Variants in SNX31 observed in about 807,000 individuals in gnomAD.
The protein encoded by SNX31 is sorting nexin-31.
Under a neutral mutation model 65.4 loss-of-function variants are expected in SNX31, and 58 were observed. The ratio of observed to expected loss-of-function variants is 0.89; its 90% CI spans 0.72 to 1.10. The LOEUF (loss-of-function observed/expected upper bound fraction) is 1.10, where lower values mean the gene tolerates loss of function less well. Among genes scored for constraint, SNX31 ranks in the 50% least tolerant of loss-of-function variants. The probability of loss-of-function intolerance (pLI) is 0.00; values close to 1 mark genes in which losing one functional copy is unlikely to be tolerated. For synonymous variants in SNX31, 181 were observed against 190.1 expected (o/e 0.95, Z 0.39); for missense variants, 523 against 529.7 (o/e 0.99, Z 0.12).
At chr8:100,615,271 GA>G (rs1233114582) in intron 5 of SNX31, among the ~76,000 whole-genome samples, 1 of 152,142 alleles carries the variant, frequency 6.6e-6, no homozygotes, top group East Asian at 1.9e-4. Flanking sequence ...AGTTTCAAGG[GA>G]AATGGACAAA....
chr8:100,655,207 A>G (rs1490714600), intron 1 of SNX31, among the ~76,000 whole-genome samples: 2 of 152,182 alleles, frequency 1.3e-5, no homozygotes, highest in African/African-American at 4.8e-5. Flanking sequence ...AGGGAGGAGC[A>G]GGGAGGGAAA....
At chr8:100,601,600 C>G (rs1488434067) in intron 8 of SNX31, among the ~76,000 whole-genome samples, 2 of 152,092 alleles carry the variant, frequency 1.3e-5, no homozygotes, top group African/African-American at 4.8e-5. Context: ...CATTTGCAAA[C>G]TTTTTATAAG....
intron 1 of SNX31, among the ~76,000 whole-genome samples, chr8:100,657,178 C>T (rs1267906281): frequency 6.6e-6 from 1 of 151,638 alleles, no homozygotes; most frequent in Non-Finnish European, 1.5e-5. Context: ...GGAGGCTGGG[C>T]ATGGTGGCTC....
intron 2 of SNX31, among the ~76,000 whole-genome samples, chr8:100,641,028 CTG>C (rs948558437): frequency 2.0e-5 from 3 of 152,072 alleles, no homozygotes; most frequent in African/African-American, 2.4e-5. Flanking sequence ...ATAGAGGAAA[CTG>C]TGGATTATAT....
chr8:100,636,062 T>C lies in SNX31; in HGVS notation c.142-51A>G, dbSNP rs748076233. ...AGGCAGGTGAGCCGCCAGTTCAGGG[T>C]TGATGAGATTACTAAAGTCTCCTTT... On this transcript the variant is annotated intron_variant, in intron 2 of 13. Transcript: ENST00000311812. 13 of 1,369,048 alleles carry C rather than the reference T, an allele frequency of 9.5e-6. No homozygotes were observed. The African/African-American group carries it at 1.7e-4, about 18-fold the overall frequency. 84.8% of individuals were successfully genotyped at this position (1,369,048 alleles called of 1,614,324 possible). A position where few individuals can be genotyped will look rare whatever the true frequency, so the allele number is the denominator to read the frequency against.
At position 100,649,568 on chromosome 8, in the gene SNX31, G is replaced by A. The variant is rs1461158496; in HGVS notation, c.-54C>T. On this transcript the variant is annotated 5_prime_UTR_variant, in exon 1 of 14. Coordinates refer to ENST00000311812, the MANE Select transcript of SNX31 (RefSeq NM_152628.4). ...GGGAACCCGACCTGCGGCGGCGGGCGGTGCGCGGCTCTGAACTCGGCAGCG... is the reference window on the plus strand; with the variant it reads ...GGGAACCCGACCTGCGGCGGCGGGCAGTGCGCGGCTCTGAACTCGGCAGCG... 2 of 1,516,182 alleles carry A rather than the reference G, an allele frequency of 1.3e-6. No homozygotes were observed. The highest frequency in any genetic ancestry group is 1.8e-6 in the Non-Finnish European group (2 of 1,118,772). 93.9% of individuals were successfully genotyped at this position (1,516,182 alleles called of 1,614,324 possible). A position where few individuals can be genotyped will look rare whatever the true frequency, so the allele number is the denominator to read the frequency against.
At chr8:100,642,725 C>T (rs997271590) in intron 2 of SNX31, among the ~76,000 whole-genome samples, 3 of 152,198 alleles carry the variant, frequency 2.0e-5, no homozygotes, top group Non-Finnish European at 4.4e-5. Flanking sequence ...AAACCACCAG[C>T]GTACTGAGAA....
At chr8:100,637,714 G>C (rs1381386303) in intron 2 of SNX31, among the ~76,000 whole-genome samples, 1 of 151,782 alleles carries the variant, frequency 6.6e-6, no homozygotes, top group East Asian at 1.9e-4. Flanking sequence ...TTATCTTTTT[G>C]AGACAGAGTC....
At chr8:100,592,637 A>G (rs537700357) in intron 10 of SNX31, among the ~76,000 whole-genome samples, 1 of 152,314 alleles carries the variant, frequency 6.6e-6, no homozygotes, top group South Asian at 2.1e-4. Flanking sequence ...TATACTCAAG[A>G]GACATAAAAA....
intron 8 of SNX31, among the ~76,000 whole-genome samples, chr8:100,603,970 T>C (rs903905889): frequency 1.3e-5 from 2 of 152,184 alleles, no homozygotes; most frequent in African/African-American, 4.8e-5. Context: ...ACTCCTAATC[T>C]CAGGTACTCT....
intron 11 of SNX31, among the ~76,000 whole-genome samples, 179 bp from the exon 12 acceptor site, chr8:100,584,367 A>T (rs1813837619): frequency 6.6e-6 from 1 of 152,168 alleles, no homozygotes; most frequent in African/African-American, 2.4e-5. Context: ...GTAACTATAA[A>T]TTTTCTCAAT....
intron 5 of SNX31, among the ~76,000 whole-genome samples, chr8:100,615,139 T>A (rs972704487): frequency 1.3e-5 from 2 of 152,214 alleles, no homozygotes; most frequent in Non-Finnish European, 2.9e-5. Flanking sequence ...AACCTCCAGT[T>A]AAACTTACCT....
chr8:100,619,913 A>G (rs539841020), intron 4 of SNX31: 16 of 152,368 alleles, frequency 1.1e-4, no homozygotes, highest in African/African-American at 3.8e-4. Flanking sequence ...CCAGAATACT[A>G]GTCACACAGT....
In SNX31 at chr8:100,612,031, C is replaced by T. The variant is rs1816757364; in HGVS notation, c.580G>A (p.Val194Met). 6.2e-7 allele frequency: 1 copy of T among 1,614,166 alleles called. No individual in the cohort carries two copies. Among genetic ancestry groups the T allele is most frequent in the Non-Finnish European group, 8.5e-7 (1 of 1,180,022 alleles). ...CGGAGTCCAACCTTACAGTTTTCCA[C>T]CTCAGAACTTCCAAGACTAACATAA... The part of the protein sequence containing the change: ...LPYVSLGSSE[V>M]ENCKVGLRKW... The change falls in exon 7 of 14, where the codon GTG becomes ATG. Residue 194 changes from valine to methionine, a missense_variant. Transcript: ENST00000311812. This position sits in a 1 kb window ranked among gnomAD's most constrained non-coding sequence, Gnocchi z 4.3.
chr8:100,657,291 A>G (rs1563594717), intron 1 of SNX31, among the ~76,000 whole-genome samples: 1 of 151,990 alleles, frequency 6.6e-6, no homozygotes, highest in East Asian at 1.9e-4. Context: ...TGTCTCTACT[A>G]AAAATACAAA....
At chr8:100,577,981 T>G (rs1813186345) in intron 12 of SNX31, among the ~76,000 whole-genome samples, 1 of 152,242 alleles carries the variant, frequency 6.6e-6, no homozygotes, top group Non-Finnish European at 1.5e-5. Context: ...TTGGTCCCCA[T>G]GTAATATAGC....
At chr8:100,638,178 G>C (rs1385202797) in intron 2 of SNX31, among the ~76,000 whole-genome samples, 3 of 152,156 alleles carry the variant, frequency 2.0e-5, no homozygotes, top group Non-Finnish European at 4.4e-5. Context: ...AAGTAAGTCA[G>C]ATCATTCCAC....
intron 1 of SNX31, among the ~76,000 whole-genome samples, chr8:100,661,312 G>A (rs931009716): frequency 2.6e-5 from 4 of 151,504 alleles, no homozygotes; most frequent in Non-Finnish European, 5.9e-5. Flanking sequence ...GGCAAAAGCA[G>A]GTAGATATTA....
At chr8:100,591,488 CAAAAA>C (rs71274986) in intron 10 of SNX31, among the ~76,000 whole-genome samples, 1 of 77,526 alleles carries the variant, frequency 1.3e-5, no homozygotes, top group Non-Finnish European at 2.6e-5. Flanking sequence ...GACTCCGTCT[CAAAAA>C]AAAAAAAAAA....
Sources: allele counts gnomAD v4.1 joint callset (sites outside exome capture counted in the v4.1 genomes callset), GRCh38; gene constraint gnomAD v4.1.1; non-coding constraint Gnocchi (gnomAD v3.1); transcripts MANE v1.5; gene names NCBI Gene and HGNC (gene_info 2026-07-23, HGNC 2026-07-21).